The following ABCC1 variants were observed in gnomAD, a reference collection of about 807,000 sequenced individuals.
ABCC1 encodes multidrug resistance-associated protein 1.
In ABCC1, 83 loss-of-function variants were observed where a neutral mutation model predicts 172.9. The observed-to-expected ratio is 0.48, with a 90% confidence interval of 0.40 to 0.58. ABCC1 has a LOEUF of 0.58. Among genes scored for constraint, ABCC1 ranks in the 20% least tolerant of loss-of-function variants. The pLI is 0.00. For missense variants in ABCC1, 1,817 were observed against 2,002.7 expected, an observed-to-expected ratio of 0.91 and a Z score of 1.77; for synonymous variants, 937 against 825.2, an observed-to-expected ratio of 1.14 and a Z score of -2.32.
At position 16,056,127 on chromosome 16, in the gene ABCC1, G is replaced by A; in HGVS notation, c.1509G>A (p.Lys503=). 1 of 1,614,146 alleles carries A rather than the reference G, an allele frequency of 6.2e-7. No individual in the cohort carries two copies. Among genetic ancestry groups the A allele is most frequent in the Non-Finnish European group, 8.5e-7 (1 of 1,180,032 alleles). The change falls in exon 12 of 31, where the codon AAG becomes AAA. Residue 503 remains lysine (K), a synonymous_variant. Transcript: ENST00000399410. ...TGAAGAGCAAAGACAATCGGATCAA[G>A]CTGATGAACGAAATTCTCAATGGGA... ...AHMKSKDNRI[K]LMNEILNGIK...
chr16:16,108,273 CTTTTTTTTT>C (rs79826916), intron 21 of ABCC1, among the ~76,000 whole-genome samples: 33,974 of 107,790 alleles, frequency 0.32, 4,146 homozygotes, highest in South Asian at 0.43. Flanking sequence ...TTCTTTGTGT[CTTTTTTTTT>C]TTTTTTTTTT....
At chr16:16,089,874 CTG>C (rs2152017329) in intron 18 of ABCC1, among the ~76,000 whole-genome samples, 1 of 141,124 alleles carries the variant, frequency 7.1e-6, no homozygotes. Flanking sequence ...AAGTGAAACT[CTG>C]TCTCAAAAAA....
chr16:15,986,507 G>A (rs1471300925), intron 1 of ABCC1, among the ~76,000 whole-genome samples: 4 of 152,276 alleles, frequency 2.6e-5, no homozygotes, highest in East Asian at 1.9e-4. Flanking sequence ...AACGTGAACC[G>A]TGCATGCGAG....
chr16:16,110,739 C>G (rs2052349092), intron 21 of ABCC1, among the ~76,000 whole-genome samples: 1 of 152,220 alleles, frequency 6.6e-6, no homozygotes, highest in Non-Finnish European at 1.5e-5. Context: ...CCCCCAATAC[C>G]TCTCTAGACT....
intron 1 of ABCC1, among the ~76,000 whole-genome samples, chr16:16,003,589 T>C (rs528789147): frequency 7.0e-6 from 1 of 143,174 alleles, no homozygotes; most frequent in African/African-American, 2.6e-5. Context: ...GTAGGGTGGA[T>C]GGGTGAATTG....
chr16:16,068,505 T>G (rs558799090), intron 13 of ABCC1, among the ~76,000 whole-genome samples: 4 of 152,210 alleles, frequency 2.6e-5, no homozygotes, highest in Non-Finnish European at 5.9e-5. Flanking sequence ...AACTCGCACT[T>G]GAGTATATGA....
intron 1 of ABCC1, among the ~76,000 whole-genome samples, chr16:15,972,994 C>A (rs2046403474): frequency 6.6e-6 from 1 of 151,608 alleles, no homozygotes; most frequent in Admixed American, 6.6e-5. Context: ...GGGGTCTCAC[C>A]ATGTTGCCCA....
chr16:16,119,346 T>C (rs1325651795), intron 23 of ABCC1, among the ~76,000 whole-genome samples: 1 of 151,918 alleles, frequency 6.6e-6, no homozygotes, highest in Non-Finnish European at 1.5e-5. Flanking sequence ...GAGGCTGAGA[T>C]GGAAGGGTCA....
intron 11 of ABCC1, among the ~76,000 whole-genome samples, chr16:16,055,362 C>A (rs1247680639): frequency 6.6e-6 from 1 of 151,894 alleles, no homozygotes; most frequent in African/African-American, 2.4e-5. Flanking sequence ...CCAGCCTGGC[C>A]AACATGGTGA....
At chr16:16,061,303 A>G (rs2049899450) in intron 12 of ABCC1, among the ~76,000 whole-genome samples, 1 of 152,254 alleles carries the variant, frequency 6.6e-6, no homozygotes, top group African/African-American at 2.4e-5. Flanking sequence ...TGGTATTCAT[A>G]CAGCCGGACT....
At chr16:15,972,514 C>G (rs2151543271) in intron 1 of ABCC1, among the ~76,000 whole-genome samples, 2 of 152,214 alleles carry the variant, frequency 1.3e-5, no homozygotes, top group Non-Finnish European at 2.9e-5. Flanking sequence ...GGCAATATAT[C>G]TGGGTTCAAG....
At chr16:15,963,045 A>C (rs28844882) in intron 1 of ABCC1, among the ~76,000 whole-genome samples, 1 of 152,258 alleles carries the variant, frequency 6.6e-6, no homozygotes, top group South Asian at 2.1e-4. Context: ...TCCTAGATAC[A>C]ATGGGGGTAC....
At chr16:16,044,747 A>G in intron 8 of ABCC1, 67 bp downstream of exon 8, 1 of 1,433,094 alleles carries the variant, frequency 7.0e-7, no homozygotes, top group South Asian at 1.2e-5. Flanking sequence ...CAGTTGCATC[A>G]GTCATAACCC....
intron 7 of ABCC1, among the ~76,000 whole-genome samples, chr16:16,036,980 T>A (rs573914985): frequency 1.4e-4 from 21 of 152,092 alleles, no homozygotes; most frequent in African/African-American, 4.6e-4. Context: ...GGCAGGCGCC[T>A]GTAATCATAG....
At chr16:15,987,873 T>C (rs1044638588) in intron 1 of ABCC1, among the ~76,000 whole-genome samples, 2 of 152,206 alleles carry the variant, frequency 1.3e-5, no homozygotes, top group Non-Finnish European at 2.9e-5. Context: ...TCAGGACCTT[T>C]GCACTGGCTG....
At chr16:16,114,155 C>G (rs2044741661) in intron 22 of ABCC1, among the ~76,000 whole-genome samples, 1 of 152,166 alleles carries the variant, frequency 6.6e-6, no homozygotes, top group African/African-American at 2.4e-5. Context: ...TTCTGCTAGG[C>G]ACAGTATACT....
chr16:16,015,368 G>A (rs182349010), intron 4 of ABCC1, among the ~76,000 whole-genome samples: 2 of 152,206 alleles, frequency 1.3e-5, no homozygotes, highest in Non-Finnish European at 2.9e-5. Flanking sequence ...TCGATCACTT[G>A]ACTTCGTGAT....
At chr16:16,007,170 C>T (rs1421248453) in intron 1 of ABCC1, among the ~76,000 whole-genome samples, 1 of 151,154 alleles carries the variant, frequency 6.6e-6, no homozygotes, top group East Asian at 1.9e-4. Flanking sequence ...TGAGATGCTA[C>T]ATACCTTTTT....
intron 12 of ABCC1, among the ~76,000 whole-genome samples, chr16:16,063,192 C>T (rs1219513109): frequency 1.3e-5 from 2 of 152,178 alleles, no homozygotes; most frequent in African/African-American, 4.8e-5. Flanking sequence ...CTGCAACCTC[C>T]ACCTCCCAGG....
Sources: gnomAD v4.1 joint callset for allele counts (sites outside exome capture counted in the v4.1 genomes callset) on GRCh38, gnomAD v4.1.1 for gene constraint, MANE v1.5 for transcripts, NCBI Gene and HGNC (gene_info 2026-07-23, HGNC 2026-07-21) for gene names.